Variants in RPS6KA2 observed in about 807,000 individuals in gnomAD.
RPS6KA2 encodes the protein ribosomal protein S6 kinase A2.
RPS6KA2 carries 42 observed loss-of-function variants against 91.8 expected under a neutral mutation model. The observed-to-expected ratio is 0.46, with a 90% CI of 0.36 to 0.59. The LOEUF (loss-of-function observed/expected upper bound fraction) is 0.59. Ranked by LOEUF, RPS6KA2 falls within the 20% of genes least tolerant of loss-of-function variation. The pLI is 0.00. For synonymous variants in RPS6KA2, 414 were observed against 393.6 expected, an observed-to-expected ratio of 1.05 and a Z score of -0.61; for missense variants, 798 against 978.5, an observed-to-expected ratio of 0.82 and a Z score of 2.46.
chr6:166,722,748 C>A (rs982428424), intron 2 of RPS6KA2, among the ~76,000 whole-genome samples: 1 of 152,250 alleles, frequency 6.6e-6, no homozygotes, highest in African/African-American at 2.4e-5. Flanking sequence ...CCACGTGAAG[C>A]AAATGCCTCC....
chr6:166,748,268 GGCTTCCGGCTCCAT>G, intron 2 of RPS6KA2, among the ~76,000 whole-genome samples: 1 of 152,098 alleles, frequency 6.6e-6, no homozygotes, highest in Non-Finnish European at 1.5e-5. Context: ...GTGCGGGCCA[GGCTTCCGGCTCCAT>G]GCTCCCACTG....
rs1583113036 is a variant in RPS6KA2, at chr6:166,423,725, T to A, written c.1582-308A>T. On this transcript the variant is annotated intron_variant, in intron 16 of 20. Coordinates refer to ENST00000265678, the MANE Select transcript of RPS6KA2 (RefSeq NM_021135.6). The surrounding 1 kb of genome is among the most constrained non-coding windows in gnomAD (Gnocchi z 4.8). ...GCCGCAGCTTACTGGAGCTGTCACA[T>A]AAAAGGAAATGTGGTGAGCTCTGGA... 1 of 264,454 alleles carries A rather than the reference T, an allele frequency of 3.8e-6. No individual in the cohort carries two copies. Among genetic ancestry groups the A allele is most frequent in the East Asian group, 8.5e-5 (1 of 11,820 alleles). The allele number at this position is 264,454 out of a possible 1,614,324, so 16.4% of individuals were successfully genotyped here.
chr6:166,688,093 C>A (rs935612122), intron 2 of RPS6KA2, among the ~76,000 whole-genome samples: 1 of 152,076 alleles, frequency 6.6e-6, no homozygotes, highest in South Asian at 2.1e-4. Flanking sequence ...GACAGGGCCG[C>A]AGACCTCAGG....
intron 2 of RPS6KA2, among the ~76,000 whole-genome samples, chr6:166,824,768 TGTGTCTAC>T (rs1157719363): frequency 6.7e-6 from 1 of 150,002 alleles, no homozygotes; most frequent in Non-Finnish European, 1.5e-5. Flanking sequence ...TGTGTGTCTG[TGTGTCTAC>T]GTGTGTGTCT....
chr6:166,668,206 TGCAGAGTGAAGACA>T (rs1011436363), intron 2 of RPS6KA2, among the ~76,000 whole-genome samples: 14 of 152,030 alleles, frequency 9.2e-5, no homozygotes, highest in African/African-American at 2.9e-4. Flanking sequence ...CTGAAGGAAA[TGCAGAGTGAAGACA>T]GCGTTCCTGA....
intron 2 of RPS6KA2, among the ~76,000 whole-genome samples, chr6:166,755,039 T>C (rs1351813333): frequency 6.6e-6 from 1 of 152,176 alleles, no homozygotes; most frequent in Admixed American, 6.5e-5. Flanking sequence ...CCTCGTAACC[T>C]GGAACACAGA....
At chr6:166,817,823 A>G (rs1423258780) in intron 2 of RPS6KA2, among the ~76,000 whole-genome samples, 2 of 151,748 alleles carry the variant, frequency 1.3e-5, no homozygotes. Flanking sequence ...CCCGGGTTCA[A>G]GTGATTCTTC....
intron 1 of RPS6KA2, among the ~76,000 whole-genome samples, chr6:166,570,216 A>G (rs112016874): frequency 4.6e-5 from 7 of 152,318 alleles, no homozygotes; most frequent in African/African-American, 1.7e-4. Flanking sequence ...GCTTCCTGCC[A>G]TAGCTCCAGA....
intron 2 of RPS6KA2, among the ~76,000 whole-genome samples, chr6:166,836,489 A>ATT (rs11402367): frequency 3.3e-5 from 5 of 151,948 alleles, no homozygotes; most frequent in South Asian, 4.2e-4. Context: ...AAGTTTTCTG[A>ATT]TTTTTTTCCA....
chr6:166,481,940 G>C (rs1174836837), intron 10 of RPS6KA2, among the ~76,000 whole-genome samples: 1 of 151,616 alleles, frequency 6.6e-6, no homozygotes, highest in Admixed American at 6.6e-5. Flanking sequence ...ATGTGCTGCA[G>C]AGTGGAGGCC....
At chr6:166,469,646 C>T (rs557304924) in intron 11 of RPS6KA2, among the ~76,000 whole-genome samples, 195 bp downstream of exon 11, 9 of 152,276 alleles carry the variant, frequency 5.9e-5, no homozygotes, top group African/African-American at 1.9e-4. Context: ...GGGGCACTCA[C>T]GTGTCTGTGC....
chr6:166,666,026 T>C lies in RPS6KA2; in HGVS notation c.124-127242A>G, dbSNP rs761686705. Among the ~76,000 whole-genome samples, 3 of 152,218 alleles carry C rather than the reference T, an allele frequency of 2.0e-5. No homozygotes were observed. Among genetic ancestry groups the C allele is most frequent in the Non-Finnish European group, 4.4e-5 (3 of 68,038 alleles). Reference sequence around the variant, plus strand: ...AAGCCCACATCACCACAGGCTGCGATCTGAAGGAGCAGAGATTAGCAATCT... The same window carrying C: ...AAGCCCACATCACCACAGGCTGCGACCTGAAGGAGCAGAGATTAGCAATCT... On this transcript the variant is annotated intron_variant, in intron 2 of 21. Transcript: ENST00000503859. The surrounding 1 kb of genome is among the most constrained non-coding windows in gnomAD (Gnocchi z 4.0).
At chr6:166,777,952 A>G (rs1409682806) in intron 2 of RPS6KA2, among the ~76,000 whole-genome samples, 1 of 152,232 alleles carries the variant, frequency 6.6e-6, no homozygotes, top group African/African-American at 2.4e-5. Context: ...ATAAAAGAAG[A>G]CTAAAGTAAA....
At chr6:166,451,064 C>G in intron 13 of RPS6KA2, 39 bp downstream of exon 13, 1 of 1,611,006 alleles carries the variant, frequency 6.2e-7, no homozygotes, top group Non-Finnish European at 8.5e-7. Context: ...CATCCAAGTG[C>G]CCTCTTACCC....
chr6:166,843,736 G>C (rs1385501906), intron 2 of RPS6KA2, among the ~76,000 whole-genome samples: 1 of 152,138 alleles, frequency 6.6e-6, no homozygotes, highest in Non-Finnish European at 1.5e-5. Context: ...ACCACATCAA[G>C]GGAGTACCCC....
intron 1 of RPS6KA2, among the ~76,000 whole-genome samples, chr6:166,573,434 CG>C (rs759084709): frequency 5.2e-4 from 79 of 152,334 alleles, no homozygotes; most frequent in Middle Eastern, 3.4e-3. Flanking sequence ...GAAGACCCAG[CG>C]CACGTGTTCT....
At chr6:166,481,305 T>C (rs1052350737) in intron 10 of RPS6KA2, among the ~76,000 whole-genome samples, 1 of 152,266 alleles carries the variant, frequency 6.6e-6, no homozygotes, top group East Asian at 1.9e-4. Context: ...AAGTGGTCTT[T>C]GTTGTTGCAA....
intron 2 of RPS6KA2, among the ~76,000 whole-genome samples, chr6:166,847,986 G>A (rs914788102): frequency 1.3e-5 from 2 of 152,144 alleles, no homozygotes; most frequent in African/African-American, 4.8e-5. Context: ...CCCACAGGGT[G>A]GAAGAAAATC....
At chr6:166,691,226 G>C (rs1789198286) in intron 2 of RPS6KA2, among the ~76,000 whole-genome samples, 1 of 152,132 alleles carries the variant, frequency 6.6e-6, no homozygotes, top group East Asian at 1.9e-4. Context: ...AGTGCTGCCA[G>C]GACTTGACCT....
Sources: allele counts gnomAD v4.1 joint callset (sites outside exome capture counted in the v4.1 genomes callset), GRCh38; gene constraint gnomAD v4.1.1; non-coding constraint Gnocchi (gnomAD v3.1); transcripts MANE v1.5; gene names NCBI Gene and HGNC (gene_info 2026-07-23, HGNC 2026-07-21).